Variants in RPS6KC1 observed in about 807,000 individuals in gnomAD.
RPS6KC1 encodes the protein inactive ribosomal protein S6 kinase delta-1.
Under a neutral mutation model 103.8 loss-of-function variants are expected in RPS6KC1, and 54 were observed. The observed-to-expected ratio is 0.52, with a 90% CI of 0.42 to 0.65. RPS6KC1 has a LOEUF of 0.65. Ranked by LOEUF, RPS6KC1 falls within the 30% of genes least tolerant of loss-of-function variation. The probability of loss-of-function intolerance (pLI) is 0.00; values close to 1 mark genes in which losing one functional copy is unlikely to be tolerated. For missense variants in RPS6KC1, 1,151 were observed against 1,253.8 expected, an observed-to-expected ratio of 0.92 and a Z score of 1.24; for synonymous variants, 439 against 438.7, an observed-to-expected ratio of 1.00 and a Z score of -0.01.
the RPS6KC1 span, among the ~76,000 whole-genome samples, chr1:213,495,159 T>C: frequency 1.3e-5 from 2 of 152,216 alleles, no homozygotes; most frequent in Non-Finnish European, 1.5e-5. Context: ...AAAGATGTTC[T>C]ACTGAGGGAG....
the RPS6KC1 span, among the ~76,000 whole-genome samples, chr1:213,596,003 A>G: frequency 2.6e-5 from 4 of 152,220 alleles, no homozygotes; most frequent in East Asian, 7.7e-4. Flanking sequence ...TACCAGAACA[A>G]AAAGTAGAAG....
chr1:213,738,876 A>G, the RPS6KC1 span, among the ~76,000 whole-genome samples: 1 of 150,760 alleles, frequency 6.6e-6, no homozygotes, highest in Non-Finnish European at 1.5e-5. Context: ...AAATAAATAA[A>G]AAGCTTTATG....
At chr1:213,685,352 T>C in the RPS6KC1 span, among the ~76,000 whole-genome samples, 1 of 152,168 alleles carries the variant, frequency 6.6e-6, no homozygotes, top group Non-Finnish European at 1.5e-5. Context: ...GACTTTAGAC[T>C]GGGCATGGTG....
chr1:213,829,781 A>G, the RPS6KC1 span, among the ~76,000 whole-genome samples: 1 of 152,216 alleles, frequency 6.6e-6, no homozygotes, highest in Admixed American at 6.5e-5. Context: ...ACAGGCAACA[A>G]ATAATTTTAC....
the RPS6KC1 span, among the ~76,000 whole-genome samples, chr1:213,692,501 T>C: frequency 6.6e-6 from 1 of 152,174 alleles, no homozygotes; most frequent in Non-Finnish European, 1.5e-5. Flanking sequence ...GACCTTTGAC[T>C]TGGGGTGTTA....
At chr1:213,782,046 C>G in the RPS6KC1 span, among the ~76,000 whole-genome samples, 2 of 152,138 alleles carry the variant, frequency 1.3e-5, no homozygotes, top group Non-Finnish European at 2.9e-5. Flanking sequence ...CAAGATATTT[C>G]TAGCTAAACT....
the RPS6KC1 span, among the ~76,000 whole-genome samples, chr1:213,548,177 C>G: frequency 6.6e-6 from 1 of 152,216 alleles, no homozygotes; most frequent in African/African-American, 2.4e-5. Flanking sequence ...GATTCAACTA[C>G]AGCTCCTTTC....
the RPS6KC1 span, among the ~76,000 whole-genome samples, chr1:213,564,351 G>A: frequency 2.0e-5 from 3 of 152,138 alleles, no homozygotes; most frequent in African/African-American, 7.2e-5. Flanking sequence ...CCTAAACTCT[G>A]TAGATTACAT....
the RPS6KC1 span, among the ~76,000 whole-genome samples, chr1:213,369,284 T>C: frequency 1.7e-4 from 26 of 152,352 alleles, no homozygotes; most frequent in Non-Finnish European, 1.9e-4. Flanking sequence ...CCTGACATTC[T>C]ACCATTACAT....
At chr1:213,704,215 GTC>G in the RPS6KC1 span, among the ~76,000 whole-genome samples, 1 of 150,678 alleles carries the variant, frequency 6.6e-6, no homozygotes, top group African/African-American at 2.4e-5. Flanking sequence ...GTGAAACCCC[GTC>G]TCTACTAAAA....
chr1:213,236,609 A>G (rs2094226096), intron 10 of RPS6KC1, among the ~76,000 whole-genome samples: 1 of 152,156 alleles, frequency 6.6e-6, no homozygotes, highest in Non-Finnish European at 1.5e-5. Flanking sequence ...GTATTCAGTC[A>G]AGGCCATGAG....
chr1:213,226,502 T>G (rs1294010180), intron 8 of RPS6KC1, among the ~76,000 whole-genome samples: 1 of 152,210 alleles, frequency 6.6e-6, no homozygotes, highest in Admixed American at 6.5e-5. Flanking sequence ...ATAATAAAAG[T>G]CAAACCCTTT....
chr1:213,721,722 C>T, the RPS6KC1 span, among the ~76,000 whole-genome samples: 1 of 152,180 alleles, frequency 6.6e-6, no homozygotes, highest in Non-Finnish European at 1.5e-5. Flanking sequence ...TCTATCCTAC[C>T]ACTGCACACC....
At chr1:213,219,824 A>T (rs963261700) in intron 8 of RPS6KC1, among the ~76,000 whole-genome samples, 65 of 127,384 alleles carry the variant, frequency 5.1e-4, no homozygotes, top group African/African-American at 1.8e-3. Flanking sequence ...ACATGGACAC[A>T]GGAAGGGGAA....
chr1:213,110,726 C>A (rs766902988), intron 4 of RPS6KC1, among the ~76,000 whole-genome samples: 3 of 152,168 alleles, frequency 2.0e-5, no homozygotes, highest in Admixed American at 6.6e-5. Context: ...TGCACTGTCT[C>A]ATGGTTTGCC....
intron 3 of RPS6KC1, among the ~76,000 whole-genome samples, chr1:213,079,103 A>G (rs1184686175): frequency 6.6e-6 from 1 of 152,100 alleles, no homozygotes; most frequent in African/African-American, 2.4e-5. Flanking sequence ...ACAGTATATT[A>G]TGATTGTCTT....
the RPS6KC1 span, among the ~76,000 whole-genome samples, chr1:213,560,194 T>C: frequency 4.6e-5 from 7 of 152,196 alleles, no homozygotes; most frequent in Admixed American, 4.6e-4. Context: ...CAAACGCTGC[T>C]GTAAAGGAAT....
chr1:213,783,287 A>G, the RPS6KC1 span, among the ~76,000 whole-genome samples: 3 of 152,172 alleles, frequency 2.0e-5, no homozygotes, highest in Non-Finnish European at 4.4e-5. Context: ...AATCAATGTT[A>G]AATGCTTGGC....
chr1:213,571,977 C>T, the RPS6KC1 span, among the ~76,000 whole-genome samples: 3 of 152,312 alleles, frequency 2.0e-5, no homozygotes, highest in African/African-American at 7.2e-5. Context: ...TTCACACGGC[C>T]TTGGGATTTC....
Sources: allele counts gnomAD v4.1 joint callset (sites outside exome capture counted in the v4.1 genomes callset), GRCh38; gene constraint gnomAD v4.1.1; transcripts MANE v1.5; gene names NCBI Gene and HGNC (gene_info 2026-07-23, HGNC 2026-07-21).